Variants in EPHA6 observed in about 807,000 individuals in gnomAD.
EPHA6 encodes the protein EPH receptor A6.
In EPHA6, 50 loss-of-function variants were observed where a neutral mutation model predicts 112.0. The ratio of observed to expected loss-of-function variants is 0.45; its 90% CI spans 0.36 to 0.56. The LOEUF (loss-of-function observed/expected upper bound fraction) is 0.56, where lower values mean the gene tolerates loss of function less well. Ranked by LOEUF, EPHA6 falls within the 20% of genes least tolerant of loss-of-function variation. EPHA6 has a pLI of 0.00. For synonymous variants in EPHA6, 529 were observed against 490.7 expected (o/e 1.08, Z -1.03); for missense variants, 1,280 against 1,417.4 (o/e 0.90, Z 1.56).
At chr3:97,232,608 A>T (rs1218801321) in intron 4 of EPHA6, among the ~76,000 whole-genome samples, 2 of 152,198 alleles carry the variant, frequency 1.3e-5, no homozygotes, top group Non-Finnish European at 2.9e-5. Flanking sequence ...ATAGGAAAGA[A>T]TTTGGCTGAG....
chr3:96,992,002 A>G (rs906348125), intron 3 of EPHA6, among the ~76,000 whole-genome samples: 1 of 152,062 alleles, frequency 6.6e-6, no homozygotes, highest in Admixed American at 6.6e-5. Context: ...GCTCCCTGTG[A>G]TTGGTTCCCT....
chr3:97,578,646 G>A (rs1480482856), intron 11 of EPHA6, among the ~76,000 whole-genome samples: 1 of 152,144 alleles, frequency 6.6e-6, no homozygotes, highest in Non-Finnish European at 1.5e-5. Context: ...AACTGAGGTT[G>A]TTCCTTTTGG....
intron 3 of EPHA6, among the ~76,000 whole-genome samples, chr3:97,115,383 AGAG>A (rs1289105052): frequency 2.6e-5 from 4 of 151,882 alleles, no homozygotes; most frequent in African/African-American, 9.7e-5. Context: ...AAAATGTAGA[AGAG>A]GAGAAGTGGG....
intron 3 of EPHA6, among the ~76,000 whole-genome samples, chr3:97,089,432 G>C (rs2046997832): frequency 6.6e-6 from 1 of 151,868 alleles, no homozygotes; most frequent in Non-Finnish European, 1.5e-5. Context: ...TTTTTCTGAT[G>C]GTGTATCTTT....
chr3:97,670,088 A>G (rs770766129), intron 14 of EPHA6, among the ~76,000 whole-genome samples: 1 of 152,220 alleles, frequency 6.6e-6, no homozygotes, highest in Non-Finnish European at 1.5e-5. Context: ...TCTTCTATAG[A>G]TAATGAAGAC....
chr3:97,224,747 A>C (rs2108540971), intron 3 of EPHA6, among the ~76,000 whole-genome samples: 1 of 152,244 alleles, frequency 6.6e-6, no homozygotes, highest in Non-Finnish European at 1.5e-5. Context: ...AAAATGTTTT[A>C]AATATTACTT....
chr3:97,638,525 A>C (rs2093971226), intron 14 of EPHA6, among the ~76,000 whole-genome samples: 6 of 152,188 alleles, frequency 3.9e-5, no homozygotes, highest in Admixed American at 1.3e-4. Flanking sequence ...ATACTTATAA[A>C]GAACAATATG....
At chr3:97,346,756 A>C (rs2083553811) in intron 5 of EPHA6, among the ~76,000 whole-genome samples, 1 of 152,054 alleles carries the variant, frequency 6.6e-6, no homozygotes, top group South Asian at 2.1e-4. Flanking sequence ...GGGATACCAA[A>C]TGTCTATATT....
rs956100477 is a variant in EPHA6, at chr3:97,592,982, C to T, written c.2512+245C>T. On this transcript the variant is annotated intron_variant, in intron 12 of 17. Transcript: ENST00000389672. ...GCCTCCTCTCCTGAGAAAATTTTTA[C>T]TTAAGTAAGAATTAGAGCTTCAGAT... Among the ~76,000 whole-genome samples the T allele has an allele frequency of 2.6e-5, 4 of 152,152 alleles. No homozygotes were observed. The South Asian group carries it at 8.3e-4, about 32-fold the overall frequency.
At position 96,987,381 on chromosome 3, in the gene EPHA6, C is replaced by T; in HGVS notation, c.502C>T (p.Gln168Ter). ...DEHNRPIHTY[Q>*]VCNVMEPNQN... ...ACATAATAGGCCCATTCACACATAC[C>T]AGGTATGTAATGTAATGGAACCAAA... The change falls in exon 3 of 18, where the codon CAG becomes TAG. Residue 168 changes from glutamine to a stop codon, truncating the protein, a stop_gained. Coordinates refer to ENST00000389672, the MANE Select transcript of EPHA6 (RefSeq NM_001080448.3). LOFTEE classifies it high-confidence loss of function. The T allele has an allele frequency of 6.2e-7, 1 of 1,613,734 alleles. No homozygotes were observed. The highest frequency in any genetic ancestry group is 8.5e-7 in the Non-Finnish European group (1 of 1,179,746).
At chr3:96,878,444 C>G (rs2037108952) in intron 2 of EPHA6, among the ~76,000 whole-genome samples, 1 of 151,954 alleles carries the variant, frequency 6.6e-6, no homozygotes, top group Non-Finnish European at 1.5e-5. Context: ...CATTATTATC[C>G]TAATTTCAGT....
chr3:96,989,132 T>A (rs1000098249), intron 3 of EPHA6, among the ~76,000 whole-genome samples: 1 of 152,186 alleles, frequency 6.6e-6, no homozygotes, highest in African/African-American at 2.4e-5. Context: ...GTTGATGTTA[T>A]ATTCACATTC....
chr3:97,659,125 A>T (rs73134955), intron 14 of EPHA6, among the ~76,000 whole-genome samples: 6,260 of 152,038 alleles, frequency 0.041, 192 homozygotes, highest in Non-Finnish European at 0.061. Context: ...AGTTTCCCAG[A>T]CTTAAATTGG....
intron 6 of EPHA6, among the ~76,000 whole-genome samples, chr3:97,441,886 T>C (rs1407700874): frequency 6.6e-6 from 1 of 152,056 alleles, no homozygotes; most frequent in Admixed American, 6.6e-5. Flanking sequence ...AGAGAGAAAA[T>C]GATGATTTAT....
intron 10 of EPHA6, among the ~76,000 whole-genome samples, chr3:97,504,696 A>G (rs1560078347): frequency 6.6e-6 from 1 of 151,946 alleles, no homozygotes; most frequent in Non-Finnish European, 1.5e-5. Context: ...CCGATGGTAT[A>G]TTTTTCTTCC....
chr3:97,149,049 T>C (rs2076108461), intron 3 of EPHA6, among the ~76,000 whole-genome samples: 1 of 152,128 alleles, frequency 6.6e-6, no homozygotes, highest in African/African-American at 2.4e-5. Flanking sequence ...ACAGTCAGAC[T>C]GGCAGTAGGA....
At chr3:97,043,826 G>A (rs916329886) in intron 3 of EPHA6, among the ~76,000 whole-genome samples, 3 of 152,126 alleles carry the variant, frequency 2.0e-5, no homozygotes, top group African/African-American at 7.2e-5. Context: ...AGCACACTGA[G>A]GTCCTAATGC....
chr3:97,538,125 G>A (rs149049539), intron 11 of EPHA6, among the ~76,000 whole-genome samples: 1 of 152,234 alleles, frequency 6.6e-6, no homozygotes, highest in East Asian at 1.9e-4. Flanking sequence ...TAATAATAGT[G>A]TGGATTACAT....
intron 6 of EPHA6, among the ~76,000 whole-genome samples, chr3:97,431,815 G>A (rs1031128858): frequency 6.6e-6 from 1 of 152,102 alleles, no homozygotes; most frequent in Non-Finnish European, 1.5e-5. Context: ...TTGTTGGTTA[G>A]CACAGGAATG....
Sources: allele counts gnomAD v4.1 joint callset (sites outside exome capture counted in the v4.1 genomes callset), GRCh38; gene constraint gnomAD v4.1.1; transcripts MANE v1.5; gene names NCBI Gene and HGNC (gene_info 2026-07-23, HGNC 2026-07-21).